Variants in RGS8 observed in about 807,000 individuals in gnomAD.
RGS8 encodes the protein regulator of G protein signaling 8.
Under a neutral mutation model 21.7 loss-of-function variants are expected in RGS8, and 8 were observed. That is an observed-to-expected ratio of 0.37 (90% CI 0.22 to 0.66). RGS8 has a LOEUF of 0.66. Among genes scored for constraint, RGS8 ranks in the 30% least tolerant of loss-of-function variants. The pLI, the probability that RGS8 is intolerant of heterozygous loss-of-function variation, is 0.59. For synonymous variants in RGS8, 80 were observed against 83.6 expected (o/e 0.96, Z 0.24); for missense variants, 157 against 217.9 (o/e 0.72, Z 1.76).
At chr1:182,648,926 C>T (rs491587) in intron 5 of RGS8, among the ~76,000 whole-genome samples, 3,835 of 152,174 alleles carry the variant, frequency 0.025, 169 homozygotes, top group African/African-American at 0.088. Flanking sequence ...CATGGCAAAA[C>T]GTCATCTCTA....
chr1:182,672,740 TC>T (rs529299249), upstream of RGS8: 160 of 1,547,440 alleles, frequency 1.0e-4, no homozygotes, highest in African/African-American at 1.3e-3. Context: ...GTGAGACTTT[TC>T]CTTTTGTTCT....
the RGS8 span, among the ~76,000 whole-genome samples, chr1:182,692,428 A>T: frequency 6.6e-6 from 1 of 152,120 alleles, no homozygotes. Flanking sequence ...GAGGTGAAAG[A>T]TCTCTACAAT....
At chr1:182,693,134 T>C in the RGS8 span, among the ~76,000 whole-genome samples, 1 of 152,252 alleles carries the variant, frequency 6.6e-6, no homozygotes, top group South Asian at 2.1e-4. Context: ...AAGTGAGGCC[T>C]AATTAAAGAG....
intron 5 of RGS8, among the ~76,000 whole-genome samples, chr1:182,655,938 T>C (rs1402738290): frequency 6.6e-6 from 1 of 152,208 alleles, no homozygotes; most frequent in Non-Finnish European, 1.5e-5. Flanking sequence ...TCACACAGCC[T>C]GGCATGACCT....
downstream of RGS8, chr1:182,643,333 C>CCG (rs1553214949): frequency 1.5e-4 from 19 of 126,356 alleles, no homozygotes; most frequent in African/African-American, 5.8e-4. Context: ...GCCCCCCCGC[C>CCG]CCCGCGCTGT....
chr1:182,748,263 C>A, the RGS8 span, among the ~76,000 whole-genome samples: 3 of 152,138 alleles, frequency 2.0e-5, no homozygotes, highest in Non-Finnish European at 4.4e-5. Flanking sequence ...TTCCCATTTC[C>A]CCCTCTCCTA....
the RGS8 span, among the ~76,000 whole-genome samples, chr1:182,707,874 T>A: frequency 6.6e-6 from 1 of 151,950 alleles, no homozygotes; most frequent in Non-Finnish European, 1.5e-5. Flanking sequence ...GTCTGGCTAA[T>A]TTTTTGTATT....
At chr1:182,717,429 AT>A in the RGS8 span, among the ~76,000 whole-genome samples, 5 of 152,184 alleles carry the variant, frequency 3.3e-5, no homozygotes, top group African/African-American at 9.7e-5. Context: ...CATGCCAAAG[AT>A]TTTCACCTGA....
chr1:182,644,593 T>C (rs977772300), downstream of RGS8: 1 of 152,214 alleles, frequency 6.6e-6, no homozygotes, highest in Admixed American at 6.5e-5. Flanking sequence ...GACACTCTTG[T>C]TCAGGCTTTT....
At chr1:182,674,419 G>T (rs1035336597), upstream of RGS8, among the ~76,000 whole-genome samples, 2 of 152,190 alleles carry the variant, frequency 1.3e-5, no homozygotes, top group African/African-American at 4.8e-5. Flanking sequence ...ACAAAAGTGT[G>T]TGGACATGAA....
At chr1:182,741,126 C>T in the RGS8 span, among the ~76,000 whole-genome samples, 45 of 149,756 alleles carry the variant, frequency 3.0e-4, no homozygotes, top group Non-Finnish European at 4.2e-4. Flanking sequence ...TCCCAGTAGG[C>T]GCGGCCGGGC....
intron 6 of RGS8, among the ~76,000 whole-genome samples, chr1:182,647,131 C>A (rs1419279587): frequency 1.3e-5 from 2 of 152,300 alleles, no homozygotes; most frequent in East Asian, 3.9e-4. Context: ...AATTTATAGA[C>A]AACAATACTG....
rs190429529 is a variant in RGS8, at chr1:182,680,046, A to T, written n.221+4310T>A. Among the ~76,000 whole-genome samples, 16 of 152,032 alleles carry T rather than the reference A, an allele frequency of 1.1e-4. No individual in the cohort carries two copies. The East Asian group carries it at 2.1e-3, about 20-fold the overall frequency. ...TCTCCTCCCCTCCATCCTCGCTACC[A>T]CTGCTCTGGCTCATGTCCTTACGGT... is the stretch of plus-strand genomic sequence containing the variant. On this transcript the variant is annotated intron_variant and non_coding_transcript_variant, in intron 1 of 4. Transcript: ENST00000515211.
At chr1:182,743,388 T>C in the RGS8 span, among the ~76,000 whole-genome samples, 1 of 152,172 alleles carries the variant, frequency 6.6e-6, no homozygotes, top group African/African-American at 2.4e-5. Context: ...ATTTTCCTTA[T>C]ATATAGACCA....
the RGS8 span, among the ~76,000 whole-genome samples, chr1:182,736,961 A>G: frequency 0.055 from 8,414 of 152,286 alleles, 258 homozygotes; most frequent in Middle Eastern, 0.071. Flanking sequence ...GCTTAAAACA[A>G]CAGAAATCTG....
chr1:182,734,235 T>G, the RGS8 span, among the ~76,000 whole-genome samples: 12 of 152,184 alleles, frequency 7.9e-5, no homozygotes, highest in Admixed American at 7.2e-4. Flanking sequence ...GTTATTTATT[T>G]TGATGTCAGA....
the RGS8 span, among the ~76,000 whole-genome samples, chr1:182,733,432 C>G: frequency 5.3e-5 from 8 of 152,136 alleles, no homozygotes; most frequent in African/African-American, 1.9e-4. Context: ...CAAGGAGCAT[C>G]GGGTATCAAG....
At chr1:182,683,977 C>T (rs184865142) in intron 1 of RGS8, among the ~76,000 whole-genome samples, 3 of 152,310 alleles carry the variant, frequency 2.0e-5, no homozygotes, top group Admixed American at 2.0e-4. Flanking sequence ...GTGTTATCGT[C>T]CAGATATCAA....
the RGS8 span, among the ~76,000 whole-genome samples, chr1:182,732,269 T>TCACACACACA: frequency 1.1e-3 from 139 of 126,436 alleles, no homozygotes; most frequent in Middle Eastern, 4.2e-3. Flanking sequence ...GCTCTCTCTC[T>TCACACACACA]CATACACACA....
Sources: gnomAD v4.1 joint callset for allele counts (sites outside exome capture counted in the v4.1 genomes callset) on GRCh38, gnomAD v4.1.1 for gene constraint, MANE v1.5 for transcripts, NCBI Gene and HGNC (gene_info 2026-07-23, HGNC 2026-07-21) for gene names.